PCSK5: variants seen among roughly 807,000 people sequenced by gnomAD.
PCSK5 encodes the protein prohormone convertase 5.
PCSK5 carries 129 observed loss-of-function variants against 233.2 expected under a neutral mutation model. The ratio of observed to expected loss-of-function variants is 0.55; its 90% confidence interval spans 0.48 to 0.64. PCSK5 has a LOEUF of 0.64. Among genes scored for constraint, PCSK5 ranks in the 30% least tolerant of loss-of-function variants. The pLI, the probability that PCSK5 is intolerant of heterozygous loss-of-function variation, is 0.00. For synonymous variants in PCSK5, 825 were observed against 879.2 expected, an observed-to-expected ratio of 0.94 and a Z score of 1.09; for missense variants, 2,076 against 2,430.1, an observed-to-expected ratio of 0.85 and a Z score of 3.06.
chr9:76,339,651 T>C (rs1482913333), intron 35 of PCSK5, among the ~76,000 whole-genome samples: 1 of 152,074 alleles, frequency 6.6e-6, no homozygotes, highest in African/African-American at 2.4e-5. Context: ...ATCAAGCGAT[T>C]CTCCTGCCTC....
intron 20 of PCSK5, among the ~76,000 whole-genome samples, chr9:76,208,018 A>C (rs564244987): frequency 1.3e-5 from 2 of 152,160 alleles, no homozygotes; most frequent in African/African-American, 2.4e-5. Flanking sequence ...GAAAGCGTAC[A>C]TGTGTCAGAG....
At chr9:75,981,652 A>T (rs1826283034) in intron 2 of PCSK5, among the ~76,000 whole-genome samples, 1 of 152,126 alleles carries the variant, frequency 6.6e-6, no homozygotes, top group African/African-American at 2.4e-5. Flanking sequence ...TCCTGGGCTC[A>T]GGTGATCCTC....
intron 9 of PCSK5, among the ~76,000 whole-genome samples, chr9:76,111,199 G>A (rs1321526720): frequency 6.6e-6 from 1 of 152,196 alleles, no homozygotes; most frequent in Non-Finnish European, 1.5e-5. Context: ...TCTACAGAAT[G>A]TATAAGAATA....
chr9:75,992,023 G>T (rs79527145), intron 3 of PCSK5, among the ~76,000 whole-genome samples: 3,744 of 152,196 alleles, frequency 0.025, 145 homozygotes, highest in African/African-American at 0.081. Flanking sequence ...TTGAGTCTAG[G>T]AGGTCGAGGC....
chr9:75,966,506 G>C (rs551621054), intron 2 of PCSK5, among the ~76,000 whole-genome samples: 1 of 152,248 alleles, frequency 6.6e-6, no homozygotes, highest in South Asian at 2.1e-4. Flanking sequence ...CAATCTCATG[G>C]GAATGTGCTC....
At chr9:76,260,336 G>C (rs1049647256) in intron 24 of PCSK5, among the ~76,000 whole-genome samples, 13 of 152,184 alleles carry the variant, frequency 8.5e-5, no homozygotes, top group African/African-American at 3.1e-4. Context: ...CACAGCAAGA[G>C]GACTTTGAAG....
intron 2 of PCSK5, among the ~76,000 whole-genome samples, chr9:75,976,274 CCACACACACACACACA>C (rs10562995): frequency 8.1e-4 from 115 of 141,588 alleles, no homozygotes; most frequent in Middle Eastern, 3.5e-3. Flanking sequence ...CACACAGACA[CCACACACACACACACA>C]CACACACACA....
intron 2 of PCSK5, among the ~76,000 whole-genome samples, chr9:75,981,650 T>C (rs1826282825): frequency 6.6e-6 from 1 of 152,126 alleles, no homozygotes; most frequent in African/African-American, 2.4e-5. Flanking sequence ...ACTCCTGGGC[T>C]CAGGTGATCC....
At chr9:76,150,582 G>T (rs1056764886) in intron 10 of PCSK5, among the ~76,000 whole-genome samples, 1 of 151,486 alleles carries the variant, frequency 6.6e-6, no homozygotes, top group Non-Finnish European at 1.5e-5. Context: ...GCAGTGAGCC[G>T]AGATCACACC....
At chr9:76,043,726 C>T (rs1278528804) in intron 5 of PCSK5, among the ~76,000 whole-genome samples, 5 of 152,174 alleles carry the variant, frequency 3.3e-5, no homozygotes, top group East Asian at 1.9e-4. Flanking sequence ...GTCCGAGTTA[C>T]GAGACTGGCT....
chr9:76,354,332 T>A, intron 37 of PCSK5, 113 bp downstream of exon 37: 1 of 764,720 alleles, frequency 1.3e-6, no homozygotes, highest in African/African-American at 1.8e-5. Context: ...GCTACCTTTT[T>A]ATTGAGTGCC....
intron 20 of PCSK5, among the ~76,000 whole-genome samples, chr9:76,210,803 T>C (rs1825298988): frequency 6.6e-6 from 1 of 151,860 alleles, no homozygotes; most frequent in Non-Finnish European, 1.5e-5. Flanking sequence ...GGTATAGAAA[T>C]GATTGAGCTA....
In PCSK5 at chr9:76,056,800, AT is replaced by A. The variant is rs969796194; in HGVS notation, c.633-11147del. On this transcript the variant is annotated intron_variant, in intron 5 of 37. Coordinates refer to ENST00000674117, the MANE Select transcript of PCSK5 (RefSeq NM_001372043.1). ...AATCAGAAGTGATGCAATAAGAGGCATTTTTTTTAAGTTATTAGTTTGTCTA... is the reference window on the plus strand; with the variant it reads ...AATCAGAAGTGATGCAATAAGAGGCATTTTTTTAAGTTATTAGTTTGTCTA... 1.9e-4 allele frequency among the ~76,000 whole-genome samples: 29 copies of A among 152,070 alleles called. No homozygotes were observed. In the East Asian group the frequency reaches 2.7e-3, roughly 14 times the overall value.
In PCSK5 at chr9:76,088,869, G is replaced by A. The variant is rs186319194; in HGVS notation, c.895-7021G>A. 8.6e-5 allele frequency among the ~76,000 whole-genome samples: 13 copies of A among 151,762 alleles called. No individual in the cohort carries two copies. In the East Asian group the frequency reaches 2.5e-3, roughly 29 times the overall value. On this transcript the variant is annotated intron_variant, in intron 7 of 37. Coordinates refer to ENST00000674117, the MANE Select transcript of PCSK5 (RefSeq NM_001372043.1). ...GAATTCTGGAACAAACGTTTTGTGT[G>A]AGTGCTACAAAAAACAGTAGTTTTT... is the stretch of plus-strand genomic sequence containing the variant.
At chr9:76,310,240 TC>T (rs1253382098) in intron 29 of PCSK5, among the ~76,000 whole-genome samples, 1 of 142,108 alleles carries the variant, frequency 7.0e-6, no homozygotes, top group African/African-American at 2.7e-5. Flanking sequence ...AGAGCAAGAC[TC>T]CTTCTCAAAA....
At chr9:76,085,231 T>C (rs556522858) in intron 7 of PCSK5, among the ~76,000 whole-genome samples, 1 of 152,348 alleles carries the variant, frequency 6.6e-6, no homozygotes, top group East Asian at 1.9e-4. Flanking sequence ...TTCTCTGAGT[T>C]CCTGGAGAAT....
At chr9:76,053,179 TGGC>T (rs1168642544) in intron 5 of PCSK5, among the ~76,000 whole-genome samples, 1 of 152,188 alleles carries the variant, frequency 6.6e-6, no homozygotes, top group Non-Finnish European at 1.5e-5. Flanking sequence ...TGGAGGATGG[TGGC>T]CCTCTTCTCA....
At chr9:76,330,694 A>C (rs951337133) in intron 33 of PCSK5, among the ~76,000 whole-genome samples, 3 of 152,186 alleles carry the variant, frequency 2.0e-5, no homozygotes, top group Non-Finnish European at 4.4e-5. Flanking sequence ...GAGCGAGGAC[A>C]CCATCCCCCT....
At chr9:75,982,299 G>A (rs761895935) in intron 2 of PCSK5, among the ~76,000 whole-genome samples, 5 of 152,140 alleles carry the variant, frequency 3.3e-5, no homozygotes, top group Non-Finnish European at 7.4e-5. Flanking sequence ...AAATAACCTC[G>A]CACATTCACA....
Sources: allele counts gnomAD v4.1 joint callset (sites outside exome capture counted in the v4.1 genomes callset), GRCh38; gene constraint gnomAD v4.1.1; transcripts MANE v1.5; gene names NCBI Gene and HGNC (gene_info 2026-07-23, HGNC 2026-07-21).